Variants in PDE5A observed in about 807,000 individuals in gnomAD.
PDE5A encodes cGMP-specific 3',5'-cyclic phosphodiesterase.
Under a neutral mutation model 110.2 loss-of-function variants are expected in PDE5A, and 67 were observed. The ratio of observed to expected loss-of-function variants is 0.61; its 90% CI spans 0.50 to 0.75. PDE5A has a LOEUF of 0.75. Ranked by LOEUF, PDE5A falls within the 30% of genes least tolerant of loss-of-function variation. PDE5A has a pLI of 0.00. For synonymous variants in PDE5A, 328 were observed against 351.2 expected, an observed-to-expected ratio of 0.93 and a Z score of 0.74; for missense variants, 862 against 1,045.1, an observed-to-expected ratio of 0.82 and a Z score of 2.42.
chr4:119,590,786 C>A (rs193191319), intron 3 of PDE5A, among the ~76,000 whole-genome samples: 2 of 152,098 alleles, frequency 1.3e-5, no homozygotes, highest in Non-Finnish European at 2.9e-5. Flanking sequence ...CTGCATTTTC[C>A]GGCCTATGTT....
chr4:119,562,698 T>G, intron 6 of PDE5A, 135 bp downstream of exon 6: 2 of 580,820 alleles, frequency 3.4e-6, no homozygotes, highest in Admixed American at 3.7e-5. Context: ...ATACCCTGAT[T>G]AGTTTTATAT....
intron 3 of PDE5A, among the ~76,000 whole-genome samples, chr4:119,593,783 T>A (rs939379955): frequency 2.0e-5 from 3 of 152,160 alleles, no homozygotes; most frequent in Non-Finnish European, 4.4e-5. Flanking sequence ...TGAGACTGGG[T>A]AATTTATAAA....
intron 11 of PDE5A, among the ~76,000 whole-genome samples, chr4:119,527,503 G>C (rs943767643): frequency 1.3e-5 from 2 of 152,024 alleles, no homozygotes; most frequent in African/African-American, 4.8e-5. Flanking sequence ...ACTTAGAAAG[G>C]CTTGGGATAA....
chr4:119,578,826 A>T (rs1325990783), intron 3 of PDE5A, among the ~76,000 whole-genome samples: 2 of 152,182 alleles, frequency 1.3e-5, no homozygotes, highest in Non-Finnish European at 2.9e-5. Flanking sequence ...ACAAAAGCCA[A>T]AATTGACAAA....
At chr4:119,550,333 G>T (rs1560611672) in intron 9 of PDE5A, 2 of 152,166 alleles carry the variant, frequency 1.3e-5, no homozygotes, top group Non-Finnish European at 2.9e-5. Flanking sequence ...GCCAAGAAAA[G>T]TCTGATTGTT....
chr4:119,512,071 T>C (rs1471392009), intron 14 of PDE5A, among the ~76,000 whole-genome samples: 1 of 152,136 alleles, frequency 6.6e-6, no homozygotes, highest in African/African-American at 2.4e-5. Context: ...TGATTTGTTA[T>C]TTCTTCCTAT....
intron 20 of PDE5A, chr4:119,500,428 A>AGTC (rs1725262294): frequency 6.6e-6 from 1 of 151,962 alleles, no homozygotes; most frequent in African/African-American, 2.4e-5. Flanking sequence ...TGGGGCAAAT[A>AGTC]GTCTGTCTCG....
chr4:119,498,617 T>C lies in PDE5A; in HGVS notation c.2612A>G (p.Gln871Arg). The C allele has an allele frequency of 6.2e-7, 1 of 1,614,048 alleles. No individual in the cohort carries two copies. The highest frequency in any genetic ancestry group is 8.5e-7 in the Non-Finnish European group (1 of 1,179,934). ...ATAGGCCACTCAGTTCCGCTTGGCCTGGCCGCTTTCCCCATTAATCAGCAT... is the reference window on the plus strand; with the variant it reads ...ATAGGCCACTCAGTTCCGCTTGGCCCGGCCGCTTTCCCCATTAATCAGCAT... Reference protein sequence around the residue: ...EKMLINGESGQAKRN With the variant: ...EKMLINGESGRAKRN Residue 871 changes from glutamine to arginine, a missense_variant, in exon 21 of 21, where the codon CAG becomes CGG. Physicochemically the swap from Gln to Arg is conservative, Grantham distance 43. Coordinates refer to ENST00000354960, the MANE Select transcript of PDE5A (RefSeq NM_001083.4).
chr4:119,571,503 G>A, intron 3 of PDE5A, among the ~76,000 whole-genome samples: 1 of 152,126 alleles, frequency 6.6e-6, no homozygotes, highest in Non-Finnish European at 1.5e-5. Flanking sequence ...AGGGGTACAG[G>A]CAGCCTATGG....
intron 16 of PDE5A, 51 bp downstream of exon 16, chr4:119,507,553 C>T (rs1725596142): frequency 8.3e-7 from 1 of 1,209,732 alleles, no homozygotes; most frequent in Non-Finnish European, 1.2e-6. Flanking sequence ...AAGTTTGAAA[C>T]AATGAAAAGA....
intron 3 of PDE5A, among the ~76,000 whole-genome samples, chr4:119,570,690 A>G (rs1174449658): frequency 6.6e-6 from 1 of 152,174 alleles, no homozygotes; most frequent in East Asian, 1.9e-4. Context: ...TACTGAGGTC[A>G]TACATCAATC....
intron 20 of PDE5A, among the ~76,000 whole-genome samples, 160 bp from the exon 21 acceptor site, chr4:119,498,898 C>T (rs977370140): frequency 1.3e-5 from 2 of 152,190 alleles, no homozygotes; most frequent in African/African-American, 4.8e-5. Context: ...ATCATTTACA[C>T]ATGATTCTTC....
intron 17 of PDE5A, among the ~76,000 whole-genome samples, chr4:119,504,911 T>C (rs1725504510): frequency 6.6e-6 from 1 of 152,014 alleles, no homozygotes; most frequent in Non-Finnish European, 1.5e-5. Flanking sequence ...TTTTGTCACC[T>C]TAGTATTCCA....
chr4:119,517,441 T>C (rs1181801880), intron 14 of PDE5A, among the ~76,000 whole-genome samples: 1 of 151,476 alleles, frequency 6.6e-6, no homozygotes, highest in Non-Finnish European at 1.5e-5. Context: ...ATTCTTGGTT[T>C]CCTCTACTGA....
At chr4:119,560,479 T>G (rs1183943356) in intron 6 of PDE5A, 116 bp from the exon 7 acceptor site, 8 of 512,226 alleles carry the variant, frequency 1.6e-5, no homozygotes, top group African/African-American at 4.0e-5. Context: ...TAGTATATTT[T>G]TACTTATTCT....
At chr4:119,594,417 G>A (rs1354710794) in intron 3 of PDE5A, among the ~76,000 whole-genome samples, 1 of 152,156 alleles carries the variant, frequency 6.6e-6, no homozygotes, top group Non-Finnish European at 1.5e-5. Flanking sequence ...ACTAAAAGCT[G>A]AACATTGTCT....
At chr4:119,503,261 C>T (rs529741877) in intron 18 of PDE5A, among the ~76,000 whole-genome samples, 50 of 152,204 alleles carry the variant, frequency 3.3e-4, no homozygotes, top group African/African-American at 1.1e-3. Flanking sequence ...ATATTTATTA[C>T]GGACTCAAAA....
intron 7 of PDE5A, among the ~76,000 whole-genome samples, chr4:119,556,950 A>T (rs1288174027): frequency 1.3e-5 from 2 of 152,194 alleles, no homozygotes; most frequent in Non-Finnish European, 2.9e-5. Flanking sequence ...AGGAATATGG[A>T]TCTCATTCTT....
intron 1 of PDE5A, among the ~76,000 whole-genome samples, chr4:119,621,869 T>TA (rs1730158232): frequency 6.6e-6 from 1 of 152,172 alleles, no homozygotes; most frequent in Non-Finnish European, 1.5e-5. Context: ...GTACATTACT[T>TA]AAGTTTGAAA....
Sources: gnomAD v4.1 joint callset for allele counts (sites outside exome capture counted in the v4.1 genomes callset) on GRCh38, gnomAD v4.1.1 for gene constraint, MANE v1.5 for transcripts, NCBI Gene and HGNC (gene_info 2026-07-23, HGNC 2026-07-21) for gene names.